Variants in SCAF8 observed in about 807,000 individuals in gnomAD.
SCAF8 encodes the protein SR-related CTD associated factor 8.
SCAF8 carries 23 observed loss-of-function variants against 140.5 expected under a neutral mutation model. The observed-to-expected ratio is 0.16, with a 90% CI of 0.12 to 0.23. The LOEUF (loss-of-function observed/expected upper bound fraction) is 0.23. SCAF8 is among the 10% of genes least tolerant of loss of function. SCAF8 has a pLI of 1.00. For synonymous variants in SCAF8, 575 were observed against 528.9 expected (o/e 1.09, Z -1.20); for missense variants, 1,397 against 1,555.7 (o/e 0.90, Z 1.72).
chr6:154,777,842 T>A (rs1776961535), intron 2 of SCAF8, among the ~76,000 whole-genome samples, 159 bp from the exon 3 acceptor site: 1 of 152,222 alleles, frequency 6.6e-6, no homozygotes, highest in South Asian at 2.1e-4. Flanking sequence ...CACAGCTAGT[T>A]GCATATAAAG....
intron 12 of SCAF8, among the ~76,000 whole-genome samples, chr6:154,814,062 G>T (rs1778175621): frequency 6.6e-6 from 1 of 152,214 alleles, no homozygotes. Flanking sequence ...ACAAGGCTAG[G>T]CATGGTGGCT....
intron 8 of SCAF8, among the ~76,000 whole-genome samples, 181 bp from the exon 9 acceptor site, chr6:154,805,188 A>G (rs1212708339): frequency 3.1e-5 from 3 of 95,688 alleles, no homozygotes; most frequent in African/African-American, 1.6e-4. Context: ...TGAAGAATGT[A>G]TTTTTCTTTT....
intron 3 of SCAF8, among the ~76,000 whole-genome samples, chr6:154,784,177 T>C (rs536119092): frequency 2.9e-5 from 4 of 139,174 alleles, no homozygotes; most frequent in Non-Finnish European, 6.2e-5. Context: ...TTATTTTTCA[T>C]GTAGGGTGCA....
chr6:154,783,379 A>T (rs1443306217), intron 3 of SCAF8, among the ~76,000 whole-genome samples: 1 of 152,172 alleles, frequency 6.6e-6, no homozygotes, highest in Non-Finnish European at 1.5e-5. Flanking sequence ...CTACTCTTAG[A>T]TACGGTGAGG....
At chr6:154,807,261 A>G (rs1328955759) in intron 9 of SCAF8, among the ~76,000 whole-genome samples, 2 of 152,224 alleles carry the variant, frequency 1.3e-5, no homozygotes, top group Non-Finnish European at 2.9e-5. Flanking sequence ...GGGCTTAGTT[A>G]ATTACTCTAT....
intron 10 of SCAF8, 69 bp from the exon 11 acceptor site, chr6:154,808,617 A>G: frequency 3.0e-6 from 3 of 1,013,248 alleles, no homozygotes; most frequent in Non-Finnish European, 1.5e-6. Flanking sequence ...TTTTAAAAAC[A>G]GAATTGTCAA....
In SCAF8 at chr6:154,818,496, C is replaced by T. The variant is rs1778319903; in HGVS notation, c.1539C>T (p.Gly513=). 6.3e-7 allele frequency: 1 copy of T among 1,592,334 alleles called. No individual in the cohort carries two copies. The highest frequency in any genetic ancestry group is 1.8e-5 in the Admixed American group (1 of 57,124). The stretch of plus-strand genomic sequence containing the variant: ...TTTATTAGATGATTCCTCCCCGGGG[C>T]TGTGCTTATGTCTGCATGGTTCATC... ...IESINMIPPR[G]CAYVCMVHRQ... The change falls in exon 14 of 20, where the codon GGC becomes GGT. Residue 513 remains glycine (G), a synonymous_variant. Coordinates refer to ENST00000367178, the MANE Select transcript of SCAF8 (RefSeq NM_014892.5).
chr6:154,763,375 G>A (rs1776461385), intron 1 of SCAF8, among the ~76,000 whole-genome samples: 1 of 152,148 alleles, frequency 6.6e-6, no homozygotes, highest in Admixed American at 6.6e-5. Context: ...GGGCTTAAAG[G>A]ACCATTGTTA....
At chr6:154,743,013 T>C (rs1323940712) in intron 1 of SCAF8, among the ~76,000 whole-genome samples, 2 of 152,188 alleles carry the variant, frequency 1.3e-5, no homozygotes, top group Admixed American at 1.3e-4. Context: ...CCATGCCCTC[T>C]TGGAGCCTAT....
chr6:154,807,709 G>T (rs1311512812), intron 9 of SCAF8, among the ~76,000 whole-genome samples: 3 of 152,158 alleles, frequency 2.0e-5, no homozygotes, highest in Non-Finnish European at 2.9e-5. Context: ...TTTTATTAAT[G>T]CCAATTATCA....
At chr6:154,740,242 C>G (rs1778532900) in intron 1 of SCAF8, among the ~76,000 whole-genome samples, 1 of 152,154 alleles carries the variant, frequency 6.6e-6, no homozygotes, top group South Asian at 2.1e-4. Flanking sequence ...GGGCTGGATA[C>G]TTGTTTGCTT....
chr6:154,812,207 T>A (rs1204794208), intron 12 of SCAF8, among the ~76,000 whole-genome samples: 1 of 146,614 alleles, frequency 6.8e-6, no homozygotes, highest in Non-Finnish European at 1.5e-5. Context: ...TTTAAATAGG[T>A]TGAAGGGTTG....
At chr6:154,760,795 A>T (rs983712373) in intron 1 of SCAF8, among the ~76,000 whole-genome samples, 15 of 152,036 alleles carry the variant, frequency 9.9e-5, no homozygotes, top group South Asian at 2.1e-4. Context: ...TTTATTAAAA[A>T]TTTTTTTAGA....
intron 3 of SCAF8, among the ~76,000 whole-genome samples, chr6:154,782,439 A>G (rs1218282886): frequency 6.6e-6 from 1 of 152,114 alleles, no homozygotes; most frequent in Non-Finnish European, 1.5e-5. Flanking sequence ...AAAACAAACA[A>G]ACAGAAAAAA....
chr6:154,754,465 C>T (rs540434793), intron 1 of SCAF8, among the ~76,000 whole-genome samples: 4 of 152,310 alleles, frequency 2.6e-5, no homozygotes, highest in Admixed American at 1.3e-4. Flanking sequence ...ATTTGAGACA[C>T]AGTTCCATAA....
At chr6:154,755,543 A>G (rs1344478746) in intron 1 of SCAF8, among the ~76,000 whole-genome samples, 2 of 152,054 alleles carry the variant, frequency 1.3e-5, no homozygotes, top group Admixed American at 6.6e-5. Context: ...AGATTATTAG[A>G]TTAATTTTTA....
chr6:154,829,613 G>A (rs1389690202), intron 18 of SCAF8, among the ~76,000 whole-genome samples: 1 of 152,028 alleles, frequency 6.6e-6, no homozygotes, highest in African/African-American at 2.4e-5. Context: ...TGTTTACATA[G>A]CTTTAAAATT....
At chr6:154,759,325 C>T (rs928817295) in intron 1 of SCAF8, among the ~76,000 whole-genome samples, 2 of 152,104 alleles carry the variant, frequency 1.3e-5, no homozygotes, top group Admixed American at 1.3e-4. Context: ...AATTAAAGGA[C>T]TTATGCAGAT....
intron 1 of SCAF8, among the ~76,000 whole-genome samples, chr6:154,737,432 T>C (rs932383418): frequency 1.2e-4 from 18 of 152,120 alleles, no homozygotes; most frequent in Non-Finnish European, 1.8e-4. Flanking sequence ...TCCCATCCCT[T>C]TGGGAGGCCG....
Sources: gnomAD v4.1 joint callset for allele counts (sites outside exome capture counted in the v4.1 genomes callset) on GRCh38, gnomAD v4.1.1 for gene constraint, MANE v1.5 for transcripts, NCBI Gene and HGNC (gene_info 2026-07-23, HGNC 2026-07-21) for gene names.